Variants in PTCHD4 observed in about 807,000 individuals in gnomAD.
PTCHD4 encodes patched domain-containing protein 4.
A neutral mutation model predicts 58.1 loss-of-function variants in PTCHD4; 33 were observed. That is an observed-to-expected ratio of 0.57 (90% CI 0.43 to 0.76). The LOEUF is 0.76. Ranked by LOEUF, PTCHD4 falls within the 30% of genes least tolerant of loss-of-function variation. PTCHD4 has a pLI of 0.00. For synonymous variants in PTCHD4, 478 were observed against 409.6 expected (o/e 1.17, Z -2.02); for missense variants, 1,058 against 1,027.1 (o/e 1.03, Z -0.41).
rs1763940520 is a variant in PTCHD4, at chr6:47,879,183, T to A, written c.1652A>T (p.Tyr551Phe). 6.2e-7 allele frequency: 1 copy of A among 1,612,326 alleles called. No homozygotes were observed. Residue 551 changes from tyrosine to phenylalanine, a missense_variant, in exon 5 of 5, where the codon TAC becomes TTC. Transcript: ENST00000339488. Reference sequence around the variant, plus strand: ...GTTGCTGACTTTCAGGAACTGGTAGTACTGCTCCACCCAGGACACTGCAGT... The same window carrying A: ...GTTGCTGACTTTCAGGAACTGGTAGAACTGCTCCACCCAGGACACTGCAGT... ...GFTAVSWVEQ[Y>F]YQFLKVSNVS... is the part of the protein sequence containing the mutation.
intron 1 of PTCHD4, among the ~76,000 whole-genome samples, chr6:48,090,427 T>C (rs1765341780): frequency 6.6e-6 from 1 of 152,200 alleles, no homozygotes; most frequent in South Asian, 2.1e-4. Context: ...AGTTAACTTA[T>C]ATTGTTTCTA....
intron 4 of PTCHD4, among the ~76,000 whole-genome samples, chr6:47,890,205 G>A (rs1018910899): frequency 1.3e-5 from 2 of 151,372 alleles, no homozygotes; most frequent in African/African-American, 4.9e-5. Context: ...AAATTTGTAT[G>A]TTTTTATATA....
At chr6:48,020,624 G>A (rs1021679034) in intron 3 of PTCHD4, among the ~76,000 whole-genome samples, 62 of 152,146 alleles carry the variant, frequency 4.1e-4, no homozygotes, top group African/African-American at 1.4e-3. Flanking sequence ...AATAAAGGGA[G>A]GATAAAGTCT....
chr6:47,991,371 A>T (rs1485871500), intron 4 of PTCHD4, among the ~76,000 whole-genome samples: 2 of 152,116 alleles, frequency 1.3e-5, no homozygotes, highest in African/African-American at 4.8e-5. Flanking sequence ...CCCAGTAAAA[A>T]CAGCTTTCAA....
At chr6:47,997,322 T>A (rs948221478) in intron 4 of PTCHD4, among the ~76,000 whole-genome samples, 2 of 152,214 alleles carry the variant, frequency 1.3e-5, no homozygotes, top group African/African-American at 4.8e-5. Context: ...ATTATCTAAT[T>A]TTCCTTCATT....
chr6:47,947,086 T>C (rs981770562), intron 4 of PTCHD4, among the ~76,000 whole-genome samples: 1 of 152,108 alleles, frequency 6.6e-6, no homozygotes, highest in Non-Finnish European at 1.5e-5. Context: ...CCTCCTGTCT[T>C]GGCCTCTCTA....
chr6:48,005,851 T>A (rs1214872244), intron 4 of PTCHD4, among the ~76,000 whole-genome samples: 4 of 152,208 alleles, frequency 2.6e-5, no homozygotes, highest in Non-Finnish European at 5.9e-5. Context: ...ATTTTATATA[T>A]GAAGGACTTA....
chr6:47,893,962 G>A (rs1764455327), intron 4 of PTCHD4, among the ~76,000 whole-genome samples: 4 of 152,154 alleles, frequency 2.6e-5, no homozygotes, highest in Admixed American at 2.6e-4. Flanking sequence ...AAGCTGAGTT[G>A]TTTTCATTTG....
rs1764921627 is a variant in PTCHD4, at chr6:48,069,196, T to TGAG, written c.-240_-239insCTC. ...GAGAAGGGCGGGAGCACGTTGGGGG[T>TGAG]GGGGGGGCAGATAAGCTTTTTTCTT... On this transcript the variant is annotated 5_prime_UTR_variant, in exon 2 of 5. Transcript: ENST00000339488. Among the ~76,000 whole-genome samples, 1 of 47,210 alleles carries TGAG rather than the reference T, an allele frequency of 2.1e-5. No homozygotes were observed. Among genetic ancestry groups the TGAG allele is most frequent in the Admixed American group, 2.4e-4 (1 of 4,228 alleles). The allele number at this position is 47,210 out of a possible 152,430, so 31.0% of individuals were successfully genotyped here. A position where few individuals can be genotyped will look rare whatever the true frequency, so the allele number is the denominator to read the frequency against.
At chr6:47,983,084 C>T (rs1767943094) in intron 4 of PTCHD4, among the ~76,000 whole-genome samples, 1 of 152,028 alleles carries the variant, frequency 6.6e-6, no homozygotes, top group Non-Finnish European at 1.5e-5. Context: ...TGGAGGATTA[C>T]TTATGTTGAT....
chr6:48,043,434 A>T (rs1562023360), intron 3 of PTCHD4, among the ~76,000 whole-genome samples: 1 of 151,836 alleles, frequency 6.6e-6, no homozygotes, highest in Non-Finnish European at 1.5e-5. Context: ...CGTTTTTTTG[A>T]CTTTCAAAAT....
At chr6:48,005,198 G>A (rs1394788648) in intron 4 of PTCHD4, among the ~76,000 whole-genome samples, 1 of 152,154 alleles carries the variant, frequency 6.6e-6, no homozygotes, top group Admixed American at 6.6e-5. Flanking sequence ...GCAGTACAGA[G>A]GCAAGATAGG....
In PTCHD4 at chr6:47,869,185, A is replaced by G. The variant is rs1363805108; in HGVS notation, c.*9118T>C. On this transcript the variant is annotated 3_prime_UTR_variant, in exon 5 of 5. Transcript: ENST00000339488. ...TCATCAAAATACAGTGGACTTGGAT[A>G]TTGAAATATTTAACATGATTGGTTT... Among the ~76,000 whole-genome samples the G allele has an allele frequency of 6.6e-6, 1 of 151,764 alleles. No individual in the cohort carries two copies. The highest frequency in any genetic ancestry group is 1.5e-5 in the Non-Finnish European group (1 of 67,810).
rs1369812337 is a variant in PTCHD4, at chr6:47,866,748, C to G, written c.*11555G>C. Among the ~76,000 whole-genome samples the G allele has an allele frequency of 6.6e-6, 1 of 151,692 alleles. No homozygotes were observed. Among genetic ancestry groups the G allele is most frequent in the African/African-American group, 2.4e-5 (1 of 41,316 alleles). ...TTAAAACTTTAACTATTAAAAAGGA[C>G]AAGGGTAATGTATAAATCAGTTAGG... On this transcript the variant is annotated 3_prime_UTR_variant, in exon 5 of 5. Coordinates refer to ENST00000339488, the MANE Select transcript of PTCHD4 (RefSeq NM_001384253.1).
intron 4 of PTCHD4, among the ~76,000 whole-genome samples, chr6:47,923,290 TC>T (rs2113890155): frequency 6.6e-6 from 1 of 152,328 alleles, no homozygotes; most frequent in African/African-American, 2.4e-5. Context: ...TTACAGGCTT[TC>T]TTTTTTCTAA....
chr6:47,996,244 G>A (rs1237710498), intron 4 of PTCHD4, among the ~76,000 whole-genome samples: 2 of 152,078 alleles, frequency 1.3e-5, no homozygotes, highest in Non-Finnish European at 2.9e-5. Context: ...TGAGGCGAGC[G>A]GATCACTTGA....
At chr6:48,101,783 G>T (rs976400896) in intron 1 of PTCHD4, among the ~76,000 whole-genome samples, 1 of 152,108 alleles carries the variant, frequency 6.6e-6, no homozygotes, top group African/African-American at 2.4e-5. Context: ...AACAACAAAA[G>T]AAAGGAAGCT....
At chr6:48,032,926 T>C (rs527967451) in intron 3 of PTCHD4, among the ~76,000 whole-genome samples, 4 of 152,128 alleles carry the variant, frequency 2.6e-5, no homozygotes, top group African/African-American at 4.8e-5. Flanking sequence ...GTGGAATCGG[T>C]GTTTGATTTT....
intron 4 of PTCHD4, among the ~76,000 whole-genome samples, chr6:47,966,835 C>T (rs1407826686): frequency 6.6e-6 from 1 of 152,194 alleles, no homozygotes; most frequent in African/African-American, 2.4e-5. Flanking sequence ...ACTTCTAATT[C>T]TAGTTGTCTT....
Sources: allele counts gnomAD v4.1 joint callset (sites outside exome capture counted in the v4.1 genomes callset), GRCh38; gene constraint gnomAD v4.1.1; transcripts MANE v1.5; gene names NCBI Gene and HGNC (gene_info 2026-07-23, HGNC 2026-07-21).